RABGAP1: variants seen among roughly 807,000 people sequenced by gnomAD.
RABGAP1 encodes the protein RAB GTPase activating protein 1, also known as rab GTPase-activating protein 1.
In RABGAP1, 23 loss-of-function variants were observed where a neutral mutation model predicts 137.6. The ratio of observed to expected loss-of-function variants is 0.17; its 90% CI spans 0.12 to 0.24. RABGAP1 has a LOEUF of 0.24. Ranked by LOEUF, RABGAP1 falls within the 10% of genes least tolerant of loss-of-function variation. The pLI, the probability that RABGAP1 is intolerant of heterozygous loss-of-function variation, is 1.00. For missense variants in RABGAP1, 906 were observed against 1,275.8 expected (o/e 0.71, Z 4.42); for synonymous variants, 451 against 450.7 (o/e 1.00, Z -0.01).
intron 2 of RABGAP1, among the ~76,000 whole-genome samples, chr9:122,960,636 GAAA>G (rs1834804210): frequency 6.6e-6 from 1 of 152,116 alleles, no homozygotes; most frequent in South Asian, 2.1e-4. Context: ...AGAGAAACAA[GAAA>G]ATATGACCCA....
At chr9:123,049,401 G>A (rs2033361348) in intron 13 of RABGAP1, among the ~76,000 whole-genome samples, 1 of 152,102 alleles carries the variant, frequency 6.6e-6, no homozygotes, top group Non-Finnish European at 1.5e-5. Context: ...TCTTGAAATG[G>A]ATGAACTCCT....
chr9:123,089,887 A>G, intron 20 of RABGAP1, 37 bp downstream of exon 20: 1 of 1,541,122 alleles, frequency 6.5e-7, no homozygotes, highest in Non-Finnish European at 8.9e-7. Context: ...AGGAGCTCCC[A>G]TGCTTTCATT....
intron 11 of RABGAP1, among the ~76,000 whole-genome samples, chr9:123,012,240 A>T (rs142851942): frequency 9.2e-5 from 14 of 152,318 alleles, no homozygotes; most frequent in African/African-American, 3.4e-4. Context: ...GATTGTTCCC[A>T]CTGTTTGAAA....
At chr9:123,073,193 G>A (rs1406429408) in intron 15 of RABGAP1, among the ~76,000 whole-genome samples, 1 of 152,172 alleles carries the variant, frequency 6.6e-6, no homozygotes, top group Non-Finnish European at 1.5e-5. Flanking sequence ...TTTCTGCTCA[G>A]CTCAAATTCT....
intron 1 of RABGAP1, among the ~76,000 whole-genome samples, chr9:122,941,873 A>G (rs1282820038): frequency 6.6e-6 from 1 of 152,166 alleles, no homozygotes; most frequent in Non-Finnish European, 1.5e-5. Context: ...GCATCTGCAT[A>G]CCTTTGGTTA....
chr9:123,082,790 C>A (rs1164921788), intron 19 of RABGAP1, among the ~76,000 whole-genome samples: 1 of 152,240 alleles, frequency 6.6e-6, no homozygotes. Flanking sequence ...ATAGCAGTGT[C>A]TCCAAATTAA....
At chr9:122,954,633 A>AT (rs1834413521) in intron 1 of RABGAP1, among the ~76,000 whole-genome samples, 2 of 152,192 alleles carry the variant, frequency 1.3e-5, no homozygotes, top group Admixed American at 1.3e-4. Context: ...TGGTAATCAC[A>AT]TTATAAAAGA....
At chr9:123,077,945 C>T (rs2034574715) in intron 19 of RABGAP1, among the ~76,000 whole-genome samples, 1 of 151,972 alleles carries the variant, frequency 6.6e-6, no homozygotes. Flanking sequence ...GTTTAAATGC[C>T]TGGAAGAACT....
At chr9:123,013,839 A>G (rs1240911199) in intron 11 of RABGAP1, among the ~76,000 whole-genome samples, 1 of 152,240 alleles carries the variant, frequency 6.6e-6, no homozygotes, top group Non-Finnish European at 1.5e-5. Context: ...CAGATTCAAC[A>G]TGTAGTCATT....
At chr9:122,989,991 C>T in intron 5 of RABGAP1, 65 bp from the exon 6 acceptor site, 3 of 1,423,694 alleles carry the variant, frequency 2.1e-6, no homozygotes, top group Non-Finnish European at 2.9e-6. Flanking sequence ...GGTAATCTTC[C>T]AGCCTTAATA....
intron 14 of RABGAP1, among the ~76,000 whole-genome samples, chr9:123,069,101 T>C (rs1391983290): frequency 6.6e-6 from 1 of 151,964 alleles, no homozygotes; most frequent in Non-Finnish European, 1.5e-5. Context: ...AACCAAAGAG[T>C]AAACCATGAA....
Position 122,984,672 on chromosome 9 carries a change from G to T in RABGAP1, c.338G>T (p.Gly113Val), listed in dbSNP as rs954626411. The T allele has an allele frequency of 6.2e-7, 1 of 1,614,020 alleles. No individual in the cohort carries two copies. Among genetic ancestry groups the T allele is most frequent in the African/African-American group, 1.3e-5 (1 of 74,920 alleles). ...ACCATTAACCCTGTGCCATTAGTAG[G>T]GCTCCAAAAACCAGAGATGAGCCTA... ...SSTINPVPLV[G>V]LQKPEMSLPV... The change falls in exon 3 of 26, where the codon GGG becomes GTG. Residue 113 changes from glycine (G) to valine (V), a missense_variant. By Grantham distance (109) the Gly-to-Val change is moderately radical. Transcript: ENST00000373647.
intron 4 of RABGAP1, among the ~76,000 whole-genome samples, 189 bp from the exon 5 acceptor site, chr9:122,989,108 A>G (rs1397799603): frequency 1.3e-5 from 2 of 152,182 alleles, no homozygotes; most frequent in Non-Finnish European, 2.9e-5. Context: ...GGTTTTTAGT[A>G]CTATGGAATT....
At chr9:123,083,183 A>C (rs969517931) in intron 19 of RABGAP1, among the ~76,000 whole-genome samples, 1 of 152,214 alleles carries the variant, frequency 6.6e-6, no homozygotes, top group Non-Finnish European at 1.5e-5. Flanking sequence ...GTCAATTCTT[A>C]TGGGCATTCT....
intron 7 of RABGAP1, 114 bp downstream of exon 7, chr9:122,996,265 A>G: frequency 7.0e-7 from 1 of 1,434,152 alleles, no homozygotes. Context: ...GTTCCCTAGG[A>G]AATTATTTTG....
intron 1 of RABGAP1, among the ~76,000 whole-genome samples, chr9:122,945,147 C>CGTTTTTTTTTTTTTTTTTT (rs1833871783): frequency 1.3e-5 from 1 of 75,772 alleles, no homozygotes; most frequent in Non-Finnish European, 2.9e-5. Flanking sequence ...ATAGCTGTTG[C>CGTTTTTTTTTTTTTTTTTT]TTTTTTTTTT....
chr9:123,034,934 T>A, intron 13 of RABGAP1: 8 of 1,613,384 alleles, frequency 5.0e-6, no homozygotes, highest in Non-Finnish European at 6.8e-6. Flanking sequence ...CTGGCCTGTA[T>A]CAGCATTGAT....
chr9:123,045,992 C>G (rs1216487861), intron 13 of RABGAP1, among the ~76,000 whole-genome samples: 1 of 152,182 alleles, frequency 6.6e-6, no homozygotes, highest in Non-Finnish European at 1.5e-5. Flanking sequence ...CAAATTGGCA[C>G]ATACCATCAG....
chr9:122,988,158 T>C (rs1180652591), intron 4 of RABGAP1, among the ~76,000 whole-genome samples: 1 of 152,220 alleles, frequency 6.6e-6, no homozygotes, highest in Non-Finnish European at 1.5e-5. Flanking sequence ...AGTTAGACTT[T>C]AATATATTTT....
Sources: gnomAD v4.1 joint callset for allele counts (sites outside exome capture counted in the v4.1 genomes callset) on GRCh38, gnomAD v4.1.1 for gene constraint, MANE v1.5 for transcripts, NCBI Gene and HGNC (gene_info 2026-07-23, HGNC 2026-07-21) for gene names.